Variants in DPP6 observed in about 807,000 individuals in gnomAD.
The protein encoded by DPP6 is dipeptidyl peptidase like 6.
DPP6 carries 69 observed loss-of-function variants against 122.6 expected under a neutral mutation model. That is an observed-to-expected ratio of 0.56 (90% CI 0.46 to 0.69). The LOEUF is 0.69. Among genes scored for constraint, DPP6 ranks in the 30% least tolerant of loss-of-function variants. DPP6 has a pLI of 0.00. For missense variants in DPP6, 928 were observed against 1,116.9 expected (o/e 0.83, Z 2.41); for synonymous variants, 418 against 433.1 (o/e 0.97, Z 0.43).
At chr7:154,051,153 A>G (rs542526629), upstream of DPP6, among the ~76,000 whole-genome samples, 4 of 124,520 alleles carry the variant, frequency 3.2e-5, 2 homozygotes, top group South Asian at 5.1e-4. Flanking sequence ...ACAGGCATGG[A>G]AACCCGGAAG....
At chr7:154,574,369 TGTGTGTGTATGTG>T (rs1831326961) in intron 5 of DPP6, among the ~76,000 whole-genome samples, 2 of 128,934 alleles carry the variant, frequency 1.6e-5, no homozygotes, top group African/African-American at 6.1e-5. Context: ...GTGTTGTGTA[TGTGTGTGTATGTG>T]GTGTGTGTAT....
At chr7:154,413,327 A>G (rs1204699777) in intron 1 of DPP6, among the ~76,000 whole-genome samples, 1 of 152,250 alleles carries the variant, frequency 6.6e-6, no homozygotes. Flanking sequence ...GCAGTTATGC[A>G]GAGATCACAG....
chr7:154,866,185 A>T (rs1314075737), intron 17 of DPP6, among the ~76,000 whole-genome samples: 1 of 152,196 alleles, frequency 6.6e-6, no homozygotes, highest in East Asian at 1.9e-4. Context: ...AGCTTGGGAA[A>T]TGCTGTTCTC....
intron 1 of DPP6, among the ~76,000 whole-genome samples, chr7:154,168,851 A>G (rs748284341): frequency 4.6e-5 from 7 of 152,238 alleles, no homozygotes; most frequent in Non-Finnish European, 1.0e-4. Context: ...TAAAATCTCA[A>G]CACTGCTCAA....
chr7:154,474,496 C>T (rs1822552526), intron 2 of DPP6, among the ~76,000 whole-genome samples: 1 of 152,186 alleles, frequency 6.6e-6, no homozygotes, highest in Non-Finnish European at 1.5e-5. Flanking sequence ...GAATGAAGAC[C>T]TAAGGAATAT....
At chr7:153,844,864 G>A in the DPP6 span, among the ~76,000 whole-genome samples, 1 of 152,186 alleles carries the variant, frequency 6.6e-6, no homozygotes, top group Non-Finnish European at 1.5e-5. Flanking sequence ...GCTCTTGAGT[G>A]TGGTAGAAGT....
At chr7:154,106,498 G>C (rs1428851646) in intron 1 of DPP6, among the ~76,000 whole-genome samples, 1 of 133,986 alleles carries the variant, frequency 7.5e-6, no homozygotes, top group Non-Finnish European at 1.6e-5. Context: ...GCGTGCTGGA[G>C]ATTCAGTGGC....
intron 1 of DPP6, among the ~76,000 whole-genome samples, chr7:154,374,311 T>C (rs1324895952): frequency 6.6e-6 from 1 of 152,200 alleles, no homozygotes; most frequent in East Asian, 1.9e-4. Flanking sequence ...AGTGCTTAGC[T>C]AGCAAGGGGG....
chr7:153,954,978 G>A (rs912793540), intron 1 of DPP6, among the ~76,000 whole-genome samples: 3 of 152,190 alleles, frequency 2.0e-5, no homozygotes, highest in Non-Finnish European at 4.4e-5. Context: ...AATGCAAGGT[G>A]TCAGAAGTGA....
intron 1 of DPP6, among the ~76,000 whole-genome samples, chr7:154,007,082 C>A (rs1196247872): frequency 6.6e-6 from 1 of 152,242 alleles, no homozygotes; most frequent in Non-Finnish European, 1.5e-5. Context: ...CCTGCACCCA[C>A]CTGGACAGCA....
At chr7:153,909,094 C>T (rs908694449) in intron 1 of DPP6, among the ~76,000 whole-genome samples, 2 of 152,206 alleles carry the variant, frequency 1.3e-5, no homozygotes, top group African/African-American at 4.8e-5. Context: ...TGGTAAATAG[C>T]ATCAAGAAAT....
chr7:154,131,248 C>T (rs962766007), intron 1 of DPP6, among the ~76,000 whole-genome samples: 2 of 152,194 alleles, frequency 1.3e-5, no homozygotes, highest in African/African-American at 2.4e-5. Flanking sequence ...TGAAATTCTC[C>T]ACGGCTCCCA....
intron 24 of DPP6, 52 bp from the exon 25 acceptor site, chr7:154,889,405 C>T (rs1806421879): frequency 6.2e-7 from 1 of 1,603,970 alleles, no homozygotes; most frequent in Admixed American, 1.7e-5. Flanking sequence ...TTGATGGCAC[C>T]ATGGGTTTTA....
chr7:154,784,497 T>C (rs992550593), intron 10 of DPP6, among the ~76,000 whole-genome samples: 6 of 152,090 alleles, frequency 3.9e-5, no homozygotes, highest in Non-Finnish European at 7.4e-5. Context: ...TGTTCCTTCA[T>C]TTTTTTTCTA....
At chr7:154,120,540 A>G (rs1807373286) in intron 1 of DPP6, among the ~76,000 whole-genome samples, 1 of 152,286 alleles carries the variant, frequency 6.6e-6, no homozygotes, top group Non-Finnish European at 1.5e-5. Flanking sequence ...CACCGCGCCC[A>G]GCCATCTATG....
chr7:154,078,948 A>C, intron 1 of DPP6, among the ~76,000 whole-genome samples: 1 of 23,200 alleles, frequency 4.3e-5, no homozygotes, highest in African/African-American at 3.9e-4. Context: ...TTCTTTTCCA[A>C]AAAAAAAAAA....
intron 18 of DPP6, among the ~76,000 whole-genome samples, chr7:154,870,911 T>C (rs62472961): frequency 0.26 from 38,093 of 144,114 alleles, 6,227 homozygotes; most frequent in East Asian, 0.55. Context: ...TGCAGTGAGC[T>C]GAGATCGCAC....
chr7:153,966,598 GC>G (rs758649025), intron 1 of DPP6, among the ~76,000 whole-genome samples: 27,129 of 42,938 alleles, frequency 0.63, 6,668 homozygotes, highest in East Asian at 0.83. Flanking sequence ...ACTGCATATA[GC>G]CCTTTTTTTT....
intron 5 of DPP6, among the ~76,000 whole-genome samples, chr7:154,597,925 T>A (rs947071323): frequency 6.6e-6 from 1 of 152,184 alleles, no homozygotes; most frequent in Non-Finnish European, 1.5e-5. Context: ...ACATTTTCCC[T>A]GTTTACACCG....
Sources: gnomAD v4.1 joint callset for allele counts (sites outside exome capture counted in the v4.1 genomes callset) on GRCh38, gnomAD v4.1.1 for gene constraint, MANE v1.5 for transcripts, NCBI Gene and HGNC (gene_info 2026-07-23, HGNC 2026-07-21) for gene names.